The following CYP4B1 variants were observed in gnomAD, a reference collection of about 807,000 sequenced individuals.
CYP4B1 encodes cytochrome P450 4B1.
CYP4B1 carries 45 observed loss-of-function variants against 54.0 expected under a neutral mutation model. The observed-to-expected ratio is 0.83, with a 90% CI of 0.66 to 1.07. CYP4B1 has a LOEUF of 1.07. Among genes scored for constraint, CYP4B1 ranks in the 50% least tolerant of loss-of-function variants. The pLI is 0.00. For synonymous variants in CYP4B1, 248 were observed against 247.5 expected, an observed-to-expected ratio of 1.00 and a Z score of -0.02; for missense variants, 656 against 655.4, an observed-to-expected ratio of 1.00 and a Z score of -0.01.
chr1:46,810,997 A>G (rs776370866), intron 2 of CYP4B1, 48 bp downstream of exon 2: 3 of 1,609,382 alleles, frequency 1.9e-6, no homozygotes, highest in Non-Finnish European at 2.5e-6. Context: ...GCTTCCTGAG[A>G]ACAAAGGGCT....
intron 1 of CYP4B1, among the ~76,000 whole-genome samples, chr1:46,802,848 G>T (rs201492034): frequency 6.6e-6 from 1 of 152,220 alleles, no homozygotes; most frequent in Non-Finnish European, 1.5e-5. Flanking sequence ...GGGAGGTGAT[G>T]CTGAGGCACA....
rs1204633124 is a variant in CYP4B1 at position 46,799,266 on chromosome 1, G to A, written c.180+5G>A. 6 of 1,579,230 alleles carry A rather than the reference G, an allele frequency of 3.8e-6. No individual in the cohort carries two copies. The Admixed American group carries it at 1.1e-4, about 29-fold the overall frequency. On this transcript the variant is annotated splice_donor_5th_base_variant and intron_variant, in intron 1 of 11. Coordinates refer to ENST00000371923, the MANE Select transcript of CYP4B1 (RefSeq NM_001099772.2). ...CTTTTTGGACATGCCCTCGAGGTAT[G>A]TGGAGGTCGGGAGGGTGGGGGAGAA...
At chr1:46,801,562 G>A (rs1463538694) in intron 1 of CYP4B1, among the ~76,000 whole-genome samples, 1 of 152,112 alleles carries the variant, frequency 6.6e-6, no homozygotes, top group African/African-American at 2.4e-5. Context: ...ACAAAGGCTG[G>A]AGGAGTGACT....
At chr1:46,806,198 T>C (rs895710292) in intron 1 of CYP4B1, among the ~76,000 whole-genome samples, 1 of 152,242 alleles carries the variant, frequency 6.6e-6, no homozygotes, top group Non-Finnish European at 1.5e-5. Flanking sequence ...AGGCACCCTG[T>C]GTGCTGGGAA....
At chr1:46,816,495 T>C (rs918317939) in intron 8 of CYP4B1, among the ~76,000 whole-genome samples, 2 of 151,866 alleles carry the variant, frequency 1.3e-5, no homozygotes, top group Non-Finnish European at 2.9e-5. Flanking sequence ...AGTGGGGAGT[T>C]TGGGGACTCT....
At chr1:46,816,964 G>A in intron 8 of CYP4B1, 84 bp from the exon 9 acceptor site, 2 of 1,514,536 alleles carry the variant, frequency 1.3e-6, no homozygotes, top group South Asian at 2.4e-5. Flanking sequence ...GGTGGTGAGG[G>A]AGGAAAACTG....
chr1:46,808,765 T>G (rs1178666994), intron 1 of CYP4B1, among the ~76,000 whole-genome samples: 2 of 151,388 alleles, frequency 1.3e-5, no homozygotes, highest in African/African-American at 4.9e-5. Flanking sequence ...GGGGCACATA[T>G]ACACCATGGA....
Position 46,818,844 on chromosome 1 carries a change from C to G in CYP4B1, c.*30C>G. On this transcript the variant is annotated 3_prime_UTR_variant, in exon 12 of 12. Coordinates refer to ENST00000371923, the MANE Select transcript of CYP4B1 (RefSeq NM_001099772.2). ...GATGAGAATGGGGTCCCAGATGGCT[C>G]AGGCTGTGACCTCCCTGGGCACCAC... The G allele has an allele frequency of 6.2e-7, 1 of 1,610,198 alleles. No homozygotes were observed. The highest frequency in any genetic ancestry group is 2.2e-5 in the East Asian group (1 of 44,798).
intron 1 of CYP4B1, among the ~76,000 whole-genome samples, chr1:46,805,722 A>G (rs181684062): frequency 1.1e-4 from 17 of 152,148 alleles, no homozygotes; most frequent in Admixed American, 7.8e-4. Context: ...ACTGATTTTT[A>G]TAGTTATTTC....
Position 46,809,440 on chromosome 1 carries a change from T to C in CYP4B1, c.181-1368T>C, listed in dbSNP as rs117260139. Among the ~76,000 whole-genome samples, 63 of 152,344 alleles carry C rather than the reference T, an allele frequency of 4.1e-4. No individual in the cohort carries two copies. The East Asian group carries it at 9.7e-3, about 23-fold the overall frequency. The stretch of plus-strand genomic sequence containing the variant: ...ACTATCAGTGAATAGGTGGCAATTG[T>C]GAGAGAGAATTTTACGGAGAGAAAA... On this transcript the variant is annotated intron_variant, in intron 1 of 11. Transcript: ENST00000371923.
intron 1 of CYP4B1, among the ~76,000 whole-genome samples, chr1:46,805,638 A>G (rs939034988): frequency 1.3e-5 from 2 of 152,198 alleles, no homozygotes; most frequent in African/African-American, 4.8e-5. Flanking sequence ...CCCTCTTTCC[A>G]GGCTCTCCAT....
chr1:46,814,953 C>G, intron 7 of CYP4B1, 121 bp from the exon 8 acceptor site: 1 of 818,542 alleles, frequency 1.2e-6, no homozygotes. Context: ...CCTAATCCAC[C>G]CTCTGAAAAG....
At chr1:46,814,141 A>G (rs1282940215) in intron 6 of CYP4B1, 68 bp from the exon 7 acceptor site, 6 of 1,609,890 alleles carry the variant, frequency 3.7e-6, no homozygotes, top group Non-Finnish European at 3.4e-6. Context: ...CTCCCATTAT[A>G]GGACCCCAGT....
Position 46,818,955 on chromosome 1 carries a change from C to T in CYP4B1, c.*141C>T, listed in dbSNP as rs930300344. ...GAAGGGAAGTAGGCATTACCATAGA[C>T]GACTCCTAGAGGACAGTGCTATGTA... On this transcript the variant is annotated 3_prime_UTR_variant, in exon 12 of 12. Coordinates refer to ENST00000371923, the MANE Select transcript of CYP4B1 (RefSeq NM_001099772.2). 4.5e-5 allele frequency: 30 copies of T among 673,416 alleles called. No individual in the cohort carries two copies. The highest frequency in any genetic ancestry group is 1.4e-4 in the Admixed American group (5 of 35,260). The allele number at this position is 673,416 out of a possible 1,614,324, so 41.7% of individuals were successfully genotyped here.
chr1:46,810,193 T>C (rs1334323030), intron 1 of CYP4B1, among the ~76,000 whole-genome samples: 1 of 152,254 alleles, frequency 6.6e-6, no homozygotes. Flanking sequence ...CTTCCAAGAT[T>C]ACCCTATCTA....
rs750062066 is a variant in CYP4B1, at chr1:46,818,791, C to T, written c.1516C>T (p.Leu506=). ...TGGCTTTCACCTCCACCTGAAGCCA[C>T]TGGGCCCTGGGTCTGGGAAGTAGCT... is the stretch of plus-strand genomic sequence containing the variant. ...KNGFHLHLKP[L]GPGSGK Residue 506 remains leucine (L), a synonymous_variant, in exon 12 of 12, where the codon CTG becomes TTG. Transcript: ENST00000371923. The T allele has an allele frequency of 6.2e-7, 1 of 1,614,174 alleles. No individual in the cohort carries two copies. The highest frequency in any genetic ancestry group is 8.5e-7 in the Non-Finnish European group (1 of 1,180,018).
At chr1:46,807,500 A>G (rs778742499) in intron 1 of CYP4B1, among the ~76,000 whole-genome samples, 2 of 152,234 alleles carry the variant, frequency 1.3e-5, no homozygotes, top group Non-Finnish European at 2.9e-5. Context: ...CCAGGAGGGC[A>G]GATGGAAAAA....
intron 1 of CYP4B1, 100 bp downstream of exon 1, chr1:46,799,361 C>A: frequency 8.9e-7 from 1 of 1,127,750 alleles, no homozygotes. Context: ...AGACTTCAAA[C>A]TTGGGCAGGG....
intron 1 of CYP4B1, among the ~76,000 whole-genome samples, chr1:46,803,073 A>G (rs865782263): frequency 3.3e-4 from 50 of 152,300 alleles, no homozygotes; most frequent in Middle Eastern, 6.8e-3. Context: ...CTGGAGGTAG[A>G]CGGGGCAGTC....
Sources: allele counts gnomAD v4.1 joint callset (sites outside exome capture counted in the v4.1 genomes callset), GRCh38; gene constraint gnomAD v4.1.1; transcripts MANE v1.5; gene names NCBI Gene and HGNC (gene_info 2026-07-23, HGNC 2026-07-21).